ACTR3C: variants seen among roughly 807,000 people sequenced by gnomAD.
ACTR3C encodes the protein actin related protein 3C, also known as actin-related protein 3C.
In ACTR3C, 18 loss-of-function variants were observed where a neutral mutation model predicts 26.3. That is an observed-to-expected ratio of 0.68 (90% confidence interval 0.47 to 1.01). The LOEUF (loss-of-function observed/expected upper bound fraction) is 1.01. Among genes scored for constraint, ACTR3C ranks in the 50% least tolerant of loss-of-function variants. The probability of loss-of-function intolerance (pLI) is 0.00; values close to 1 mark genes in which losing one functional copy is unlikely to be tolerated. For missense variants in ACTR3C, 184 were observed against 250.7 expected (o/e 0.73, Z 1.80); for synonymous variants, 55 against 94.5 (o/e 0.58, Z 2.42).
chr7:150,057,143 C>A, the ACTR3C span, among the ~76,000 whole-genome samples: 1 of 152,068 alleles, frequency 6.6e-6, no homozygotes. Context: ...TCCAAATATA[C>A]CAGGAGATGG....
At chr7:150,142,739 G>A in the ACTR3C span, among the ~76,000 whole-genome samples, 1 of 152,106 alleles carries the variant, frequency 6.6e-6, no homozygotes, top group South Asian at 2.1e-4. Context: ...ATGCTGGCCA[G>A]GCTGGTCTTG....
At chr7:150,267,808 T>C (rs1174094299) in intron 6 of ACTR3C, among the ~76,000 whole-genome samples, 3 of 152,146 alleles carry the variant, frequency 2.0e-5, no homozygotes. Context: ...TCAAATCCCA[T>C]CTACAGTGAC....
intron 1 of ACTR3C, among the ~76,000 whole-genome samples, chr7:150,313,586 AG>A (rs941408584): frequency 3.0e-4 from 46 of 152,200 alleles, no homozygotes; most frequent in Non-Finnish European, 2.5e-4. Context: ...TCAAGAAGGG[AG>A]GGGGGTACAG....
chr7:150,284,861 A>G lies in ACTR3C; in HGVS notation c.472-16T>C, dbSNP rs780342038. The G allele has an allele frequency of 1.2e-5, 19 of 1,600,898 alleles. No individual in the cohort carries two copies. The highest frequency in any genetic ancestry group is 8.1e-5 in the African/African-American group (6 of 74,468). ...GGTTGGCAAACTGAATTGTATATCA[A>G]TATAAAAGAAACATTACACATTTCT... On this transcript the variant is annotated splice_polypyrimidine_tract_variant and intron_variant, in intron 5 of 7. Transcript: ENST00000683684.
the ACTR3C span, among the ~76,000 whole-genome samples, chr7:150,197,143 G>T: frequency 6.6e-6 from 1 of 152,162 alleles, no homozygotes; most frequent in Admixed American, 6.5e-5. Flanking sequence ...TGCAGAGGCT[G>T]GTTCTCCCCT....
chr7:149,981,938 G>C, the ACTR3C span, among the ~76,000 whole-genome samples: 1 of 152,210 alleles, frequency 6.6e-6, no homozygotes, highest in African/African-American at 2.4e-5. Context: ...CTCCACTGCT[G>C]CCTCATGCCT....
chr7:149,895,006 A>T, the ACTR3C span, among the ~76,000 whole-genome samples: 3 of 151,990 alleles, frequency 2.0e-5, no homozygotes, highest in African/African-American at 7.3e-5. Context: ...TTAACGGATG[A>T]ACAGATAAAG....
the ACTR3C span, among the ~76,000 whole-genome samples, chr7:149,989,670 C>A: frequency 6.6e-6 from 1 of 152,184 alleles, no homozygotes; most frequent in Non-Finnish European, 1.5e-5. Flanking sequence ...GTTTCTTATC[C>A]ATTCATCTGT....
chr7:150,303,330 A>C (rs1027481254), intron 1 of ACTR3C, among the ~76,000 whole-genome samples: 1 of 152,166 alleles, frequency 6.6e-6, no homozygotes, highest in African/African-American at 2.4e-5. Context: ...GCATCCTTAG[A>C]ATGAAAGCCA....
At position 150,284,521 on chromosome 7, in the gene ACTR3C, G is replaced by A. The variant is rs528312240; in HGVS notation, c.564+232C>T. On this transcript the variant is annotated intron_variant, in intron 6 of 7. Coordinates refer to ENST00000683684, the MANE Select transcript of ACTR3C (RefSeq NM_001164458.2). ...AGATCGCACCACTGCACTCCAGCCC[G>A]GGTGACAGAGCAAGACTCCGTCTCC... is the stretch of plus-strand genomic sequence containing the variant. Among the ~76,000 whole-genome samples the A allele has an allele frequency of 1.4e-3, 206 of 152,212 alleles. 6 individuals are homozygous for A. In the South Asian group the frequency reaches 0.036, roughly 26 times the overall value.
the ACTR3C span, among the ~76,000 whole-genome samples, chr7:149,932,270 A>T: frequency 1.3e-5 from 2 of 152,238 alleles, no homozygotes; most frequent in African/African-American, 4.8e-5. Flanking sequence ...ACACGGCCAG[A>T]GTAGGCAAAT....
chr7:150,036,139 T>G, the ACTR3C span, among the ~76,000 whole-genome samples: 1 of 123,684 alleles, frequency 8.1e-6, no homozygotes, highest in East Asian at 2.3e-4. Flanking sequence ...TGGCTCTGAG[T>G]CCCCGCCTCG....
chr7:150,036,075 G>A, the ACTR3C span, among the ~76,000 whole-genome samples: 3 of 68,210 alleles, frequency 4.4e-5, no homozygotes, highest in South Asian at 1.1e-3. Flanking sequence ...GCGTCGCGAG[G>A]GGTGCTCCCC....
chr7:149,883,644 C>T, the ACTR3C span, among the ~76,000 whole-genome samples: 2,871 of 152,308 alleles, frequency 0.019, 77 homozygotes, highest in African/African-American at 0.066. Context: ...GTCCAATCTG[C>T]GCATTGCTGG....
chr7:149,996,050 G>A, the ACTR3C span, among the ~76,000 whole-genome samples: 9,782 of 151,140 alleles, frequency 0.065, 65 homozygotes, highest in East Asian at 0.22. Flanking sequence ...GGATGGATGC[G>A]TGGGTTAACT....
At chr7:150,071,667 G>C in the ACTR3C span, among the ~76,000 whole-genome samples, 1 of 148,728 alleles carries the variant, frequency 6.7e-6, no homozygotes, top group African/African-American at 2.5e-5. Flanking sequence ...CGAGGACAGA[G>C]GGGAGGTGGC....
chr7:150,299,542 T>C (rs1389247529), intron 1 of ACTR3C, among the ~76,000 whole-genome samples: 3 of 134,432 alleles, frequency 2.2e-5, no homozygotes, highest in African/African-American at 5.7e-5. Context: ...TCCCAGCACA[T>C]TGGGAGGCAG....
At chr7:150,210,912 A>G in the ACTR3C span, among the ~76,000 whole-genome samples, 1 of 146,630 alleles carries the variant, frequency 6.8e-6, no homozygotes, top group Non-Finnish European at 1.5e-5. Context: ...TACTTACTAA[A>G]CATGGTATCC....
chr7:150,303,538 A>G (rs1795595258), intron 1 of ACTR3C, among the ~76,000 whole-genome samples: 2 of 152,236 alleles, frequency 1.3e-5, no homozygotes, highest in Admixed American at 1.3e-4. Context: ...TTCCATTTAA[A>G]GGAACATTTA....
Sources: gnomAD v4.1 joint callset for allele counts (sites outside exome capture counted in the v4.1 genomes callset) on GRCh38, gnomAD v4.1.1 for gene constraint, MANE v1.5 for transcripts, NCBI Gene and HGNC (gene_info 2026-07-23, HGNC 2026-07-21) for gene names.